The following MTFR2 variants were observed in gnomAD, a reference collection of about 807,000 sequenced individuals.
The protein encoded by MTFR2 is mitochondrial fission regulator 2.
In MTFR2, 44 loss-of-function variants were observed where a neutral mutation model predicts 41.2. That is an observed-to-expected ratio of 1.07 (90% CI 0.84 to 1.37). The LOEUF (loss-of-function observed/expected upper bound fraction) is 1.37. Ranked by LOEUF, MTFR2 falls within the 40% of genes most tolerant of loss-of-function variation. The pLI is 0.00. For synonymous variants in MTFR2, 141 were observed against 154.6 expected, an observed-to-expected ratio of 0.91 and a Z score of 0.65; for missense variants, 452 against 459.5, an observed-to-expected ratio of 0.98 and a Z score of 0.15.
chr6:136,247,349 T>TAA (rs879537795), intron 2 of MTFR2: 50 of 304,326 alleles, frequency 1.6e-4, no homozygotes, highest in East Asian at 2.8e-4. Flanking sequence ...GACTCCATCT[T>TAA]AAAAAAAAAA....
At chr6:136,241,793 C>A in intron 4 of MTFR2, 117 bp from the exon 5 acceptor site, 2 of 818,362 alleles carry the variant, frequency 2.4e-6, no homozygotes, top group South Asian at 3.7e-5. Flanking sequence ...AAAAGCTACT[C>A]TCAGGCCGGG....
chr6:136,246,291 G>GT (rs992612321), intron 2 of MTFR2, among the ~76,000 whole-genome samples: 43 of 147,372 alleles, frequency 2.9e-4, no homozygotes, highest in Admixed American at 1.0e-3. Context: ...GCTTTTTGAG[G>GT]TTTTTTTTTT....
intron 6 of MTFR2, among the ~76,000 whole-genome samples, chr6:136,235,883 G>A (rs908378386): frequency 6.6e-6 from 1 of 151,994 alleles, no homozygotes; most frequent in Non-Finnish European, 1.5e-5. Context: ...AGTGAGCCGA[G>A]ATCACGCCAC....
chr6:136,235,940 A>G (rs1156649837), intron 6 of MTFR2, among the ~76,000 whole-genome samples: 1 of 152,174 alleles, frequency 6.6e-6, no homozygotes, highest in Non-Finnish European at 1.5e-5. Context: ...CAAAAAAAAA[A>G]AGAAAGTGCT....
chr6:136,249,028 G>A lies in MTFR2; in HGVS notation c.63+9C>T. ...CAACAGATCCATTCCAATCCAAAAC[G>A]ACATTTACCTGTTCTACAGGAACGC... is the stretch of plus-strand genomic sequence containing the variant. On this transcript the variant is annotated intron_variant, in intron 2 of 7. Coordinates refer to ENST00000420702, the MANE Select transcript of MTFR2 (RefSeq NM_001099286.3). The A allele has an allele frequency of 7.5e-6, 12 of 1,596,200 alleles. No individual in the cohort carries two copies. Among genetic ancestry groups the A allele is most frequent in the Non-Finnish European group, 9.4e-6 (11 of 1,173,794 alleles).
chr6:136,231,491 T>G (rs761456823), intron 7 of MTFR2, 103 bp from the exon 8 acceptor site: 2 of 685,398 alleles, frequency 2.9e-6, no homozygotes, highest in Non-Finnish European at 4.9e-6. Flanking sequence ...TCATTCACAA[T>G]ATTTATTTAC....
intron 5 of MTFR2, among the ~76,000 whole-genome samples, chr6:136,240,964 G>C (rs184188613): frequency 1.3e-5 from 2 of 151,942 alleles, no homozygotes; most frequent in Non-Finnish European, 2.9e-5. Context: ...GGTGGCGGGC[G>C]CCTGTAGTCC....
Position 136,244,722 on chromosome 6 carries a change from A to AT in MTFR2, c.168+42dup, listed in dbSNP as rs778661731. The AT allele has an allele frequency of 6.7e-6, 9 of 1,351,898 alleles. No homozygotes were observed. The Admixed American group carries it at 1.5e-4, about 23-fold the overall frequency. The allele number at this position is 1,351,898 out of a possible 1,614,324, so 83.7% of individuals were successfully genotyped here. ...CATACCTGTAAGAGTACCTAGGATT[A>AT]TTTTGTACTTGGTACTTAAACAATT... On this transcript the variant is annotated intron_variant, in intron 3 of 7. Coordinates refer to ENST00000420702, the MANE Select transcript of MTFR2 (RefSeq NM_001099286.3).
In MTFR2 at chr6:136,238,792, C is replaced by A. The variant is rs191160579; in HGVS notation, c.869+674G>T. Among the ~76,000 whole-genome samples the A allele has an allele frequency of 1.6e-3, 241 of 152,152 alleles. 1 individual carries two copies. Among genetic ancestry groups the A allele is most frequent in the African/African-American group, 5.4e-3 (223 of 41,494 alleles). On this transcript the variant is annotated intron_variant, in intron 6 of 7. Coordinates refer to ENST00000420702, the MANE Select transcript of MTFR2 (RefSeq NM_001099286.3). ...TCAAAATATATGAAATGGGGCCAGG[C>A]ACAGTGGCTCACACCTGTAATCCCA...
At chr6:136,232,479 G>A (rs896162335) in intron 7 of MTFR2, among the ~76,000 whole-genome samples, 9 of 152,176 alleles carry the variant, frequency 5.9e-5, no homozygotes, top group African/African-American at 1.4e-4. Context: ...GGCTGGTCTC[G>A]AACTCCTGAC....
intron 2 of MTFR2, among the ~76,000 whole-genome samples, chr6:136,245,782 CATTTCAG>C (rs891438856): frequency 2.0e-5 from 3 of 152,140 alleles, no homozygotes; most frequent in Non-Finnish European, 4.4e-5. Context: ...GATTTTGGAG[CATTTCAG>C]ATTTCAGGTT....
chr6:136,238,678 CCACACACACACA>C (rs60002962), intron 6 of MTFR2, among the ~76,000 whole-genome samples: 2 of 146,368 alleles, frequency 1.4e-5, no homozygotes, highest in African/African-American at 5.0e-5. Context: ...TGTTTTTTCA[CCACACACACACA>C]CACACACACA....
chr6:136,239,721 A>T lies in MTFR2; in HGVS notation c.614T>A (p.Val205Glu), dbSNP rs769430920. The T allele has an allele frequency of 6.2e-7, 1 of 1,613,940 alleles. No individual in the cohort carries two copies. Among genetic ancestry groups the T allele is most frequent in the Non-Finnish European group, 8.5e-7 (1 of 1,179,990 alleles). ...SVDPDQLPGS[V>E]LSPPPPPPLP... ...TGGTGGAGGAGGAGGAGGAGAAAGCACTGAACCTGGAAGCTGATCTGGGTC... is the reference window on the plus strand; with the variant it reads ...TGGTGGAGGAGGAGGAGGAGAAAGCTCTGAACCTGGAAGCTGATCTGGGTC... The change falls in exon 6 of 8, where the codon GTG (valine) becomes GAG (glutamate). Residue 205 changes from valine to glutamate, a missense_variant. Val to Glu is a moderately radical substitution (Grantham distance 121). Coordinates refer to ENST00000420702, the MANE Select transcript of MTFR2 (RefSeq NM_001099286.3).
At chr6:136,247,877 A>G (rs1469248709) in intron 2 of MTFR2, among the ~76,000 whole-genome samples, 3 of 152,230 alleles carry the variant, frequency 2.0e-5, no homozygotes, top group Non-Finnish European at 2.9e-5. Flanking sequence ...AACAAAGCAG[A>G]TAACTCCCAA....
intron 7 of MTFR2, among the ~76,000 whole-genome samples, chr6:136,232,214 T>C (rs1779779501): frequency 6.6e-6 from 1 of 151,902 alleles, no homozygotes. Flanking sequence ...GGAGTGGCAA[T>C]GTGTGTGTGT....
chr6:136,241,168 C>G (rs1780061089), intron 5 of MTFR2, among the ~76,000 whole-genome samples: 1 of 151,492 alleles, frequency 6.6e-6, no homozygotes, highest in Non-Finnish European at 1.5e-5. Flanking sequence ...TATAGTAAAG[C>G]TAGTTCTTCT....
At chr6:136,249,905 C>T (rs950067991) in intron 1 of MTFR2, 71 bp downstream of exon 1, 1 of 152,176 alleles carries the variant, frequency 6.6e-6, no homozygotes, top group Non-Finnish European at 1.5e-5. Flanking sequence ...TGACCAGAGC[C>T]GGATCGCGTC....
At chr6:136,248,920 C>A in intron 2 of MTFR2, 117 bp downstream of exon 2, 1 of 816,032 alleles carries the variant, frequency 1.2e-6, no homozygotes, top group South Asian at 1.7e-5. Context: ...CACCTTTGTT[C>A]CAACTAAAAA....
chr6:136,239,584 G>A lies in MTFR2; in HGVS notation c.751C>T (p.Pro251Ser), dbSNP rs1399675511. The change falls in exon 6 of 8, where the codon CCG (proline) becomes TCG (serine). Residue 251 changes from proline to serine, a missense_variant. Pro to Ser is a moderately conservative substitution (Grantham distance 74, BLOSUM62 -1). Transcript: ENST00000420702. ...CTATAATTGGTCTTATTAGCAGCCGGGTTCTGTTTGCTCATTTCAGTTGCT... is the reference window on the plus strand; with the variant it reads ...CTATAATTGGTCTTATTAGCAGCCGAGTTCTGTTTGCTCATTTCAGTTGCT... Reference protein sequence around the residue: ...NPATEMSKQNPAANKTNYSHH... With the variant: ...NPATEMSKQNSAANKTNYSHH... The A allele has an allele frequency of 6.2e-7, 1 of 1,614,012 alleles. No homozygotes were observed. Among genetic ancestry groups the A allele is most frequent in the Non-Finnish European group, 8.5e-7 (1 of 1,179,994 alleles).
Sources: gnomAD v4.1 joint callset for allele counts (sites outside exome capture counted in the v4.1 genomes callset) on GRCh38, gnomAD v4.1.1 for gene constraint, MANE v1.5 for transcripts, NCBI Gene and HGNC (gene_info 2026-07-23, HGNC 2026-07-21) for gene names.